The following KCNH5 variants were observed in gnomAD, a reference collection of about 807,000 sequenced individuals.
KCNH5 encodes voltage-gated delayed rectifier potassium channel KCNH5.
A neutral mutation model predicts 96.1 loss-of-function variants in KCNH5; 46 were observed. The observed-to-expected ratio is 0.48, with a 90% CI of 0.38 to 0.61. The LOEUF is 0.61. Ranked by LOEUF, KCNH5 falls within the 20% of genes least tolerant of loss-of-function variation. The pLI is 0.00. For synonymous variants in KCNH5, 439 were observed against 449.8 expected, an observed-to-expected ratio of 0.98 and a Z score of 0.30; for missense variants, 907 against 1,225.8, an observed-to-expected ratio of 0.74 and a Z score of 3.88.
chr14:62,932,431 T>C (rs186086712), intron 7 of KCNH5, among the ~76,000 whole-genome samples: 2 of 125,922 alleles, frequency 1.6e-5, no homozygotes, highest in Non-Finnish European at 3.3e-5. Flanking sequence ...TTCTAGACCA[T>C]AGAGTAAAAA....
At chr14:62,879,666 A>G (rs1490305230) in intron 7 of KCNH5, among the ~76,000 whole-genome samples, 1 of 152,156 alleles carries the variant, frequency 6.6e-6, no homozygotes, top group Admixed American at 6.6e-5. Context: ...TGATACAGTT[A>G]TCTTACTCTG....
chr14:63,018,660 C>T lies in KCNH5; in HGVS notation c.74-1706G>A, dbSNP rs557483674. On this transcript the variant is annotated intron_variant, in intron 1 of 10. Transcript: ENST00000322893. ...TAAAATAAAAAATGTAGAAATTAGA[C>T]CAACACGAAAAATAATCTTAAAATC... Among the ~76,000 whole-genome samples the T allele has an allele frequency of 5.9e-5, 9 of 152,064 alleles. No homozygotes were observed. In the East Asian group the frequency reaches 1.5e-3, roughly 26 times the overall value.
At position 62,953,802 on chromosome 14, in the gene KCNH5, GGAACT is replaced by G. The variant is rs141944674; in HGVS notation, c.943-3248_943-3244del. ...CTGGTTTTTTCTCACTTGTGTGACA[GGAACT>G]GCCTCTCCATCAGCCATCCCACCTC... On this transcript the variant is annotated intron_variant, in intron 6 of 10. Coordinates refer to ENST00000322893, the MANE Select transcript of KCNH5 (RefSeq NM_139318.5). 7.9e-3 allele frequency among the ~76,000 whole-genome samples: 1,204 copies of G among 152,210 alleles called. 11 individuals carry two copies. The highest frequency in any genetic ancestry group is 0.027 in the African/African-American group (1,137 of 41,534).
Position 63,017,541 on chromosome 14 carries a change from A to T in KCNH5, c.74-587T>A, listed in dbSNP as rs12888947. 2.6e-5 allele frequency among the ~76,000 whole-genome samples: 4 copies of T among 151,524 alleles called. No individual in the cohort carries two copies. The South Asian group carries it at 6.2e-4, about 24-fold the overall frequency. ...TAATACAGATAATTTAGAAACTATC[A>T]GTATTCCAAATAAAAGAGATATTTT... On this transcript the variant is annotated intron_variant, in intron 1 of 10. Coordinates refer to ENST00000322893, the MANE Select transcript of KCNH5 (RefSeq NM_139318.5).
intron 8 of KCNH5, among the ~76,000 whole-genome samples, chr14:62,804,519 G>C (rs1441743100): frequency 6.6e-6 from 1 of 152,134 alleles, no homozygotes; most frequent in African/African-American, 2.4e-5. Flanking sequence ...GGAGGTGGGC[G>C]TGTAAAGGGA....
intron 7 of KCNH5, among the ~76,000 whole-genome samples, chr14:62,908,196 T>C (rs914637919): frequency 6.6e-6 from 1 of 152,138 alleles, no homozygotes; most frequent in African/African-American, 2.4e-5. Flanking sequence ...ATGTAGTAAA[T>C]AGGAGGCTAC....
chr14:62,990,802 A>T (rs1364566188), intron 4 of KCNH5, among the ~76,000 whole-genome samples: 1 of 152,086 alleles, frequency 6.6e-6, no homozygotes, highest in Admixed American at 6.6e-5. Flanking sequence ...TCACAGTTAC[A>T]CATGGCTGGA....
intron 8 of KCNH5, among the ~76,000 whole-genome samples, chr14:62,830,731 C>A (rs1375130175): frequency 2.0e-5 from 3 of 152,124 alleles, no homozygotes; most frequent in Admixed American, 2.0e-4. Context: ...TGGAGCCAAA[C>A]CATATCAATT....
chr14:63,024,951 A>C (rs971524513), intron 1 of KCNH5, among the ~76,000 whole-genome samples: 1 of 152,150 alleles, frequency 6.6e-6, no homozygotes, highest in African/African-American at 2.4e-5. Flanking sequence ...ATTATCTGCC[A>C]ATATCCCTGA....
chr14:63,009,630 G>A (rs928905508), intron 2 of KCNH5, among the ~76,000 whole-genome samples: 4 of 152,122 alleles, frequency 2.6e-5, no homozygotes, highest in Admixed American at 2.0e-4. Flanking sequence ...TGTCAGAAAT[G>A]TACTATCTAT....
intron 8 of KCNH5, among the ~76,000 whole-genome samples, chr14:62,818,117 G>GGGGGA (rs1887036400): frequency 6.9e-5 from 8 of 115,402 alleles, no homozygotes; most frequent in African/African-American, 1.5e-4. Context: ...GGCGGGGGGG[G>GGGGGA]GGTGGAAGAA....
intron 6 of KCNH5, among the ~76,000 whole-genome samples, chr14:62,966,202 T>C (rs991154796): frequency 6.6e-6 from 1 of 152,212 alleles, no homozygotes; most frequent in Non-Finnish European, 1.5e-5. Flanking sequence ...GGGCATTTGA[T>C]CATAAACTCT....
At chr14:62,833,868 T>A (rs552740594) in intron 8 of KCNH5, among the ~76,000 whole-genome samples, 1 of 152,036 alleles carries the variant, frequency 6.6e-6, no homozygotes, top group South Asian at 2.1e-4. Context: ...ATCATTATCT[T>A]GTGCCATTAT....
chr14:62,886,159 C>CACACAA (rs1555361881), intron 7 of KCNH5, among the ~76,000 whole-genome samples: 1 of 140,378 alleles, frequency 7.1e-6, no homozygotes, highest in Non-Finnish European at 1.5e-5. Flanking sequence ...CACACACACA[C>CACACAA]AAGAATATCA....
intron 6 of KCNH5, 135 bp from the exon 7 acceptor site, chr14:62,950,694 G>C: frequency 1.7e-6 from 1 of 595,652 alleles, no homozygotes; most frequent in African/African-American, 1.9e-5. Context: ...TTATAGGTCT[G>C]ATTTTAAGAA....
chr14:62,849,881 A>G (rs1463034787), intron 7 of KCNH5, 29 bp from the exon 8 acceptor site: 2 of 1,516,420 alleles, frequency 1.3e-6, no homozygotes, highest in Admixed American at 1.7e-5. Flanking sequence ...TAAAAATAAA[A>G]CAAATATCTC....
chr14:63,001,642 T>A (rs1022556825), intron 3 of KCNH5, among the ~76,000 whole-genome samples, 183 bp from the exon 4 acceptor site: 1 of 152,216 alleles, frequency 6.6e-6, no homozygotes, highest in African/African-American at 2.4e-5. Context: ...CAACTACCAG[T>A]TGTTCAAATT....
intron 1 of KCNH5, among the ~76,000 whole-genome samples, chr14:63,040,896 G>C (rs1891811187): frequency 6.6e-6 from 1 of 151,974 alleles, no homozygotes; most frequent in African/African-American, 2.4e-5. Context: ...TCTCTTGAAA[G>C]GTAAGTGGTT....
At chr14:62,936,262 T>C (rs945393982) in intron 7 of KCNH5, among the ~76,000 whole-genome samples, 65 of 152,164 alleles carry the variant, frequency 4.3e-4, no homozygotes, top group African/African-American at 1.5e-3. Context: ...GAATGCAAGG[T>C]CCAGGTCAAG....
Sources: gnomAD v4.1 joint callset for allele counts (sites outside exome capture counted in the v4.1 genomes callset) on GRCh38, gnomAD v4.1.1 for gene constraint, MANE v1.5 for transcripts, NCBI Gene and HGNC (gene_info 2026-07-23, HGNC 2026-07-21) for gene names.